RAPGEF4: variants seen among roughly 807,000 people sequenced by gnomAD.
RAPGEF4 encodes RAP guanine-nucleotide-exchange factor (GEF) 4.
Under a neutral mutation model 147.9 loss-of-function variants are expected in RAPGEF4, and 66 were observed. The observed-to-expected ratio is 0.45, with a 90% CI of 0.37 to 0.55. The LOEUF (loss-of-function observed/expected upper bound fraction) is 0.55, where lower values mean the gene tolerates loss of function less well. Ranked by LOEUF, RAPGEF4 falls within the 20% of genes least tolerant of loss-of-function variation. The pLI is 0.00. For synonymous variants in RAPGEF4, 419 were observed against 442.7 expected (o/e 0.95, Z 0.67); for missense variants, 1,071 against 1,257.3 (o/e 0.85, Z 2.24).
At chr2:172,771,782 G>A (rs943998610) in intron 1 of RAPGEF4, among the ~76,000 whole-genome samples, 1 of 152,072 alleles carries the variant, frequency 6.6e-6, no homozygotes. Flanking sequence ...AAATGTTTAT[G>A]TGCATCTGCA....
At chr2:172,929,531 T>G (rs1685705250) in intron 6 of RAPGEF4, among the ~76,000 whole-genome samples, 1 of 152,242 alleles carries the variant, frequency 6.6e-6, no homozygotes, top group Non-Finnish European at 1.5e-5. Context: ...TGGTCCAGAA[T>G]TGTTCAGAAT....
chr2:173,043,644 T>A (rs1456317566), intron 29 of RAPGEF4, among the ~76,000 whole-genome samples: 1 of 152,144 alleles, frequency 6.6e-6, no homozygotes, highest in African/African-American at 2.4e-5. Context: ...GTAGGCTATG[T>A]CATGTCTTTA....
At chr2:173,039,333 C>G (rs924844192) in intron 29 of RAPGEF4, among the ~76,000 whole-genome samples, 1 of 151,584 alleles carries the variant, frequency 6.6e-6, no homozygotes, top group East Asian at 1.9e-4. Flanking sequence ...GGTGTGGTGG[C>G]GGGCACCTGT....
rs557373464 is a variant in RAPGEF4 at position 172,785,522 on chromosome 2, G to A, written c.66-9503G>A. ...CACTGGAGGAGATGAGCAGCTCTTT[G>A]CAATGCTAAATTACTGTTAAAAAGA... is the stretch of plus-strand genomic sequence containing the variant. On this transcript the variant is annotated intron_variant, in intron 1 of 30. Transcript: ENST00000397081. Among the ~76,000 whole-genome samples, 10 of 152,172 alleles carry A rather than the reference G, an allele frequency of 6.6e-5. No homozygotes were observed. In the South Asian group the frequency reaches 1.7e-3, roughly 25 times the overall value.
At chr2:172,897,764 A>ATTTTATTTTATTTTATTTTT (rs142965204) in intron 4 of RAPGEF4, among the ~76,000 whole-genome samples, 2 of 123,848 alleles carry the variant, frequency 1.6e-5, no homozygotes, top group Non-Finnish European at 3.5e-5. Flanking sequence ...ATTTTATTTT[A>ATTTTATTTTATTTTATTTTT]TTTATTTTAT....
chr2:173,017,216 G>T lies in RAPGEF4; in HGVS notation c.1929+12G>T, dbSNP rs769132976. 1 of 1,611,276 alleles carries T rather than the reference G, an allele frequency of 6.2e-7. No individual in the cohort carries two copies. The highest frequency in any genetic ancestry group is 1.1e-5 in the South Asian group (1 of 90,994). On this transcript the variant is annotated intron_variant, in intron 20 of 30. Coordinates refer to ENST00000397081, the MANE Select transcript of RAPGEF4 (RefSeq NM_007023.4). ...CACCACAAAAGAAGGTAGGTGGCAT[G>T]AACTTGCATTCTCTGTCTGTGTCCT...
intron 4 of RAPGEF4, among the ~76,000 whole-genome samples, chr2:172,864,705 A>T (rs1694434007): frequency 6.6e-6 from 1 of 152,212 alleles, no homozygotes; most frequent in Non-Finnish European, 1.5e-5. Context: ...GGAGTTCGAG[A>T]CTAGCCTGGC....
At chr2:172,994,064 A>G (rs1693083379) in intron 15 of RAPGEF4, among the ~76,000 whole-genome samples, 1 of 152,218 alleles carries the variant, frequency 6.6e-6, no homozygotes, top group South Asian at 2.1e-4. Context: ...ACCTTCTAGT[A>G]GAATTAAACT....
intron 7 of RAPGEF4, 107 bp downstream of exon 7, chr2:172,960,920 T>G: frequency 1.0e-6 from 1 of 988,876 alleles, no homozygotes; most frequent in Non-Finnish European, 1.5e-6. Flanking sequence ...TGATACATTT[T>G]CTAGAGACAG....
At chr2:172,994,069 T>C (rs937338806) in intron 15 of RAPGEF4, among the ~76,000 whole-genome samples, 5 of 152,156 alleles carry the variant, frequency 3.3e-5, no homozygotes, top group Non-Finnish European at 7.3e-5. Flanking sequence ...CTAGTAGAAT[T>C]AAACTTTTGA....
At chr2:172,957,836 T>C (rs1161815367) in intron 6 of RAPGEF4, among the ~76,000 whole-genome samples, 1 of 152,202 alleles carries the variant, frequency 6.6e-6, no homozygotes, top group East Asian at 1.9e-4. Context: ...TTTACCTCTT[T>C]AGAAGTTGCA....
chr2:172,744,462 G>T (rs764392722), intron 1 of RAPGEF4: 8 of 455,768 alleles, frequency 1.8e-5, no homozygotes, highest in South Asian at 1.1e-4. Flanking sequence ...GTCATCTCTA[G>T]AGAGAAAATG....
At chr2:172,860,673 A>G (rs1693942559) in intron 4 of RAPGEF4, among the ~76,000 whole-genome samples, 1 of 150,514 alleles carries the variant, frequency 6.6e-6, no homozygotes. Flanking sequence ...TAAAAAATGT[A>G]TTTGTCACCC....
chr2:173,038,067 AG>A (rs987537734), intron 29 of RAPGEF4, among the ~76,000 whole-genome samples: 2 of 152,186 alleles, frequency 1.3e-5, no homozygotes, highest in Non-Finnish European at 2.9e-5. Flanking sequence ...TAAGCTTCTT[AG>A]GAAGTAACAC....
At chr2:172,953,133 C>T (rs1270317034) in intron 6 of RAPGEF4, among the ~76,000 whole-genome samples, 3 of 151,830 alleles carry the variant, frequency 2.0e-5, no homozygotes, top group Non-Finnish European at 4.4e-5. Context: ...CCTGAGACCA[C>T]ACTGTAGTCT....
chr2:172,817,658 A>T (rs1453958350), intron 4 of RAPGEF4, among the ~76,000 whole-genome samples: 2 of 152,122 alleles, frequency 1.3e-5, no homozygotes, highest in Non-Finnish European at 2.9e-5. Context: ...AACTAGTGCA[A>T]CCACTATGGA....
At chr2:172,860,769 T>C (rs1239361697) in intron 4 of RAPGEF4, among the ~76,000 whole-genome samples, 1 of 152,190 alleles carries the variant, frequency 6.6e-6, no homozygotes, top group South Asian at 2.1e-4. Context: ...CATTATATTT[T>C]ATGACTGGGA....
At chr2:172,844,020 G>A (rs1363079286) in intron 4 of RAPGEF4, among the ~76,000 whole-genome samples, 2 of 152,214 alleles carry the variant, frequency 1.3e-5, no homozygotes, top group African/African-American at 4.8e-5. Context: ...CAGAAACAGT[G>A]TTATTTGCTT....
At chr2:173,021,786 TAG>T (rs1696124677) in intron 23 of RAPGEF4, among the ~76,000 whole-genome samples, 2 of 152,152 alleles carry the variant, frequency 1.3e-5, no homozygotes, top group African/African-American at 2.4e-5. Context: ...TTTTTTGTTT[TAG>T]AGAGTACCAT....
Sources: allele counts gnomAD v4.1 joint callset (sites outside exome capture counted in the v4.1 genomes callset), GRCh38; gene constraint gnomAD v4.1.1; transcripts MANE v1.5; gene names NCBI Gene and HGNC (gene_info 2026-07-23, HGNC 2026-07-21).